The following RBM20 variants were observed in gnomAD, a reference collection of about 807,000 sequenced individuals.
RBM20 encodes the protein RNA binding motif protein 20.
A neutral mutation model predicts 110.1 loss-of-function variants in RBM20; 51 were observed. The ratio of observed to expected loss-of-function variants is 0.46; its 90% CI spans 0.37 to 0.59. The LOEUF (loss-of-function observed/expected upper bound fraction) is 0.59. RBM20 is among the 20% of genes least tolerant of loss of function. The probability of loss-of-function intolerance (pLI) is 0.00; values close to 1 mark genes in which losing one functional copy is unlikely to be tolerated. For missense variants in RBM20, 1,512 were observed against 1,574.9 expected (o/e 0.96, Z 0.68); for synonymous variants, 589 against 618.2 (o/e 0.95, Z 0.70).
At chr10:110,689,779 T>C (rs773643530) in intron 1 of RBM20, among the ~76,000 whole-genome samples, 1 of 152,192 alleles carries the variant, frequency 6.6e-6, no homozygotes, top group African/African-American at 2.4e-5. Context: ...CTTTTACAAG[T>C]CTAAAGTAGC....
chr10:110,800,352 A>C (rs1474372442), intron 7 of RBM20, among the ~76,000 whole-genome samples: 1 of 152,200 alleles, frequency 6.6e-6, no homozygotes, highest in Non-Finnish European at 1.5e-5. Context: ...GCCTCATAGA[A>C]GTCCTTCTAA....
At position 110,821,386 on chromosome 10, in the gene RBM20, G is replaced by A; in HGVS notation, c.2767G>A (p.Glu923Lys). 6.4e-7 allele frequency: 1 copy of A among 1,551,768 alleles called. No individual in the cohort carries two copies. The highest frequency in any genetic ancestry group is 8.7e-7 in the Non-Finnish European group (1 of 1,147,012). ...EVGEEEDFIV[E>K]PDIPELEEIV... ...TGGGGAAGAAGAAGATTTTATCGTG[G>A]AACCAGACATCCCAGAGCTGGAAGA... is the stretch of plus-strand genomic sequence containing the variant. The change falls in exon 11 of 14, where the codon GAA becomes AAA. Residue 923 changes from glutamate (E) to lysine (K), a missense_variant. Glu to Lys is a moderately conservative substitution (Grantham distance 56, BLOSUM62 1). Coordinates refer to ENST00000369519, the MANE Select transcript of RBM20 (RefSeq NM_001134363.3).
intron 7 of RBM20, among the ~76,000 whole-genome samples, chr10:110,801,706 T>C (rs1243818754): frequency 6.7e-6 from 1 of 149,102 alleles, no homozygotes; most frequent in Non-Finnish European, 1.5e-5. Context: ...GCTACTTTTT[T>C]TTTTTTTTTT....
Position 110,644,578 on chromosome 10 carries a change from C to A in RBM20, c.124C>A (p.Gln42Lys). 1 of 1,526,294 alleles carries A rather than the reference C, an allele frequency of 6.6e-7. No homozygotes were observed. Among genetic ancestry groups the A allele is most frequent in the South Asian group, 1.2e-5 (1 of 82,388 alleles). The allele number at this position is 1,526,294 out of a possible 1,614,324, so 94.5% of individuals were successfully genotyped here. Residue 42 changes from glutamine (Q) to lysine (K), a missense_variant, in exon 1 of 14, where the codon CAG (glutamine) becomes AAG (lysine). Coordinates refer to ENST00000369519, the MANE Select transcript of RBM20 (RefSeq NM_001134363.3). The surrounding 1 kb of genome is among the most constrained non-coding windows in gnomAD (Gnocchi z 4.3). The part of the protein sequence containing the change: ...SPAPSGPRGM[Q>K]QPPPPPQPPP... ...GGCACCCTCCGGCCCGCGAGGGATG[C>A]AGCAGCCGCCGCCGCCGCCCCAGCC...
chr10:110,707,712 C>A (rs1241184153), intron 1 of RBM20, among the ~76,000 whole-genome samples: 1 of 152,152 alleles, frequency 6.6e-6, no homozygotes, highest in African/African-American at 2.4e-5. Flanking sequence ...AAAATTAAAA[C>A]AACTGAACTC....
chr10:110,684,394 A>AAAAACAAAACAAAACAAAACAAAAC (rs369390447), intron 1 of RBM20, among the ~76,000 whole-genome samples: 3 of 150,764 alleles, frequency 2.0e-5, no homozygotes, highest in South Asian at 2.1e-4. Context: ...ACTCCATCTT[A>AAAAACAAAACAAAACAAAACAAAAC]AAAACAAAAC....
At chr10:110,784,939 T>G (rs1448210273) in intron 5 of RBM20, 50 bp downstream of exon 5, 1 of 1,203,796 alleles carries the variant, frequency 8.3e-7, no homozygotes, top group Non-Finnish European at 1.2e-6. Context: ...GATTATTAGT[T>G]TATTTATTTG....
At chr10:110,716,757 CA>C (rs367967417) in intron 1 of RBM20, among the ~76,000 whole-genome samples, 6 of 147,314 alleles carry the variant, frequency 4.1e-5, no homozygotes, top group Non-Finnish European at 3.0e-5. Flanking sequence ...ACTAAAAATA[CA>C]AAAAAAAAAT....
intron 1 of RBM20, among the ~76,000 whole-genome samples, chr10:110,662,308 G>A (rs987998662): frequency 4.6e-5 from 7 of 152,170 alleles, no homozygotes; most frequent in Admixed American, 2.0e-4. Context: ...TTTTCAAACC[G>A]AATATTTAAC....
intron 12 of RBM20, among the ~76,000 whole-genome samples, chr10:110,830,716 T>C (rs1353610806): frequency 2.0e-5 from 3 of 151,954 alleles, no homozygotes; most frequent in Admixed American, 1.3e-4. Context: ...ATCCAACAAG[T>C]GAAATATCAG....
chr10:110,715,014 G>T (rs541854582), intron 1 of RBM20, among the ~76,000 whole-genome samples: 1 of 152,204 alleles, frequency 6.6e-6, no homozygotes, highest in Non-Finnish European at 1.5e-5. Flanking sequence ...TTGGGAGGTC[G>T]AGGCAGGCAG....
intron 1 of RBM20, among the ~76,000 whole-genome samples, chr10:110,752,939 A>G (rs1187295990): frequency 5.3e-5 from 5 of 93,824 alleles, no homozygotes; most frequent in Non-Finnish European, 6.5e-5. Flanking sequence ...ATATATATAT[A>G]TATATATTTT....
rs1359923438 is a variant in RBM20, at chr10:110,781,601, C to T, written c.992C>T (p.Pro331Leu). The change falls in exon 2 of 14, where the codon CCT becomes CTT. Residue 331 changes from proline (P) to leucine (L), a missense_variant. Pro to Leu is a moderately conservative substitution (Grantham distance 98, BLOSUM62 -3). Coordinates refer to ENST00000369519, the MANE Select transcript of RBM20 (RefSeq NM_001134363.3). Reference protein sequence around the residue: ...SPHGFSGQSKPDLTAGPMWPP... With the variant: ...SPHGFSGQSKLDLTAGPMWPP... Reference sequence around the variant, plus strand: ...CATGGATTCTCGGGCCAAAGCAAGCCTGATCTCACAGCAGGTCCCATGTGG... The same window carrying T: ...CATGGATTCTCGGGCCAAAGCAAGCTTGATCTCACAGCAGGTCCCATGTGG... 1 of 1,551,350 alleles carries T rather than the reference C, an allele frequency of 6.4e-7. No homozygotes were observed. The highest frequency in any genetic ancestry group is 8.7e-7 in the Non-Finnish European group (1 of 1,146,750).
rs794729154 is a variant in RBM20 at position 110,821,360 on chromosome 10, T to C, written c.2741T>C (p.Val914Ala). The C allele has an allele frequency of 6.4e-7, 1 of 1,551,372 alleles. No individual in the cohort carries two copies. The highest frequency in any genetic ancestry group is 8.7e-7 in the Non-Finnish European group (1 of 1,146,938). ...GAGGAGCTGGTGACAGTGGACGAGG[T>C]TGGGGAAGAAGAAGATTTTATCGTG... ...NMEELVTVDE[V>A]GEEEDFIVEP... is the part of the protein sequence containing the mutation. The change falls in exon 11 of 14, where the codon GTT (valine) becomes GCT (alanine). Residue 914 changes from valine (V) to alanine (A), a missense_variant. This residue lies in a region of RBM20 where 5 missense variants were observed against 21.3 expected (regional missense o/e 0.23). Coordinates refer to ENST00000369519, the MANE Select transcript of RBM20 (RefSeq NM_001134363.3).
chr10:110,812,371 C>T lies in RBM20; in HGVS notation c.1974C>T (p.Ser658=), dbSNP rs752455104. The part of the protein sequence containing the change: ...HTPSFTSCSS[S]HSPPGPSRAD... ...CCAGCTTCACCTCCTGCAGCTCTTC[C>T]CACAGCCCTCCGGGCCCCTCCCGGG... Residue 658 remains serine, a synonymous_variant, in exon 9 of 14, where the codon TCC becomes TCT. Coordinates refer to ENST00000369519, the MANE Select transcript of RBM20 (RefSeq NM_001134363.3). 2.6e-6 allele frequency: 4 copies of T among 1,551,674 alleles called. No homozygotes were observed. In the South Asian group the frequency reaches 4.8e-5, roughly 18 times the overall value.
intron 5 of RBM20, among the ~76,000 whole-genome samples, chr10:110,794,311 G>A (rs1207244750): frequency 6.6e-6 from 1 of 152,144 alleles, no homozygotes; most frequent in Non-Finnish European, 1.5e-5. Context: ...AAAAGAATTT[G>A]ATGAACCATC....
rs1845160619 is a variant in RBM20 at position 110,838,393 on chromosome 10, G to A, written c.*2415G>A. On this transcript the variant is annotated 3_prime_UTR_variant, in exon 14 of 14. Coordinates refer to ENST00000369519, the MANE Select transcript of RBM20 (RefSeq NM_001134363.3). The stretch of plus-strand genomic sequence containing the variant: ...GATTGTTCCCCTGGCCAACTCCACA[G>A]GTTTGAACCTGGCATTCTGGACACC... 6.6e-6 allele frequency: 1 copy of A among 152,170 alleles called. No individual in the cohort carries two copies. The highest frequency in any genetic ancestry group is 2.4e-5 in the African/African-American group (1 of 41,444). 9.4% of individuals were successfully genotyped at this position (152,170 alleles called of 1,614,324 possible).
chr10:110,692,953 T>C (rs1862609145), intron 1 of RBM20, among the ~76,000 whole-genome samples: 4 of 152,272 alleles, frequency 2.6e-5, no homozygotes, highest in Middle Eastern at 3.4e-3. Flanking sequence ...TCCTAGTTTA[T>C]TGAGTGTTAT....
Position 110,691,900 on chromosome 10 carries a change from G to A in RBM20, c.191+47255G>A, listed in dbSNP as rs373823404. On this transcript the variant is annotated intron_variant, in intron 1 of 13. Coordinates refer to ENST00000369519, the MANE Select transcript of RBM20 (RefSeq NM_001134363.3). ...TATGTTTTCTTCTAAGAATTTTATC[G>A]TGTAAACTGTAGTTTATAATCTCAA... 7.9e-5 allele frequency among the ~76,000 whole-genome samples: 12 copies of A among 152,110 alleles called. No individual in the cohort carries two copies. In the East Asian group the frequency reaches 9.7e-4, roughly 12 times the overall value.
Sources: gnomAD v4.1 joint callset for allele counts (sites outside exome capture counted in the v4.1 genomes callset) on GRCh38, gnomAD v4.1.1 for gene constraint, gnomAD v4.1.1 regional missense constraint, Gnocchi (gnomAD v3.1) non-coding constraint, MANE v1.5 for transcripts, NCBI Gene and HGNC (gene_info 2026-07-23, HGNC 2026-07-21) for gene names.